CD44: variants seen among roughly 807,000 people sequenced by gnomAD.
CD44 encodes the protein CD44 molecule (IN blood group), also known as CD44 antigen.
Under a neutral mutation model 88.8 loss-of-function variants are expected in CD44, and 49 were observed. That is an observed-to-expected ratio of 0.55 (90% CI 0.44 to 0.70). The LOEUF is 0.70. Ranked by LOEUF, CD44 falls within the 30% of genes least tolerant of loss-of-function variation. The probability of loss-of-function intolerance (pLI) is 0.00; values close to 1 mark genes in which losing one functional copy is unlikely to be tolerated. For synonymous variants in CD44, 325 were observed against 312.3 expected (o/e 1.04, Z -0.43); for missense variants, 883 against 913.8 (o/e 0.97, Z 0.43).
rs565128117 is a variant in CD44, at chr11:35,192,415, G to A, written c.667+2350G>A. 9.2e-5 allele frequency among the ~76,000 whole-genome samples: 14 copies of A among 152,312 alleles called. No individual in the cohort carries two copies. In the South Asian group the frequency reaches 2.9e-3, roughly 32 times the overall value. ...TTTCTAAAGTCCAGTGAGGAGATTTGCAAAACCTTATCACTGTTGGACTGA... is the reference window on the plus strand; with the variant it reads ...TTTCTAAAGTCCAGTGAGGAGATTTACAAAACCTTATCACTGTTGGACTGA... On this transcript the variant is annotated intron_variant, in intron 5 of 17. Transcript: ENST00000428726.
At chr11:35,160,408 A>C (rs915007044) in intron 1 of CD44, among the ~76,000 whole-genome samples, 4 of 152,182 alleles carry the variant, frequency 2.6e-5, no homozygotes, top group African/African-American at 9.7e-5. Flanking sequence ...GTGTTTTGCC[A>C]ATTGTTTCTT....
At chr11:35,209,166 CT>C in intron 12 of CD44, among the ~76,000 whole-genome samples, 1 of 152,088 alleles carries the variant, frequency 6.6e-6, no homozygotes, top group East Asian at 1.9e-4. Context: ...TATGGGTGTG[CT>C]TTATGAAGTT....
intron 9 of CD44, among the ~76,000 whole-genome samples, chr11:35,202,665 A>G (rs982618111): frequency 6.6e-6 from 1 of 152,180 alleles, no homozygotes; most frequent in Non-Finnish European, 1.5e-5. Flanking sequence ...TTGGGAATCT[A>G]TGGCTTGAGG....
At position 35,220,183 on chromosome 11, in the gene CD44, A is replaced by C. The variant is rs140770465; in HGVS notation, c.1945+796A>C. Among the ~76,000 whole-genome samples, 492 of 152,272 alleles carry C rather than the reference A, an allele frequency of 3.2e-3. 3 individuals are homozygous for C. Among genetic ancestry groups the C allele is most frequent in the African/African-American group, 0.011 (454 of 41,558 alleles). ...GCCCCAGCTTGCCTAAGCACACCTG[A>C]AGACAGACCAGACAGAGACAGGGGT... On this transcript the variant is annotated intron_variant, in intron 16 of 17. Transcript: ENST00000428726.
At chr11:35,139,474 A>T in intron 1 of CD44, 104 bp downstream of exon 1, 1 of 1,018,838 alleles carries the variant, frequency 9.8e-7, no homozygotes, top group South Asian at 1.3e-5. Flanking sequence ...ACTGGAGTCA[A>T]GTGAGCTGTC....
intron 1 of CD44, among the ~76,000 whole-genome samples, chr11:35,167,131 A>G (rs923639158): frequency 2.0e-5 from 3 of 152,214 alleles, no homozygotes; most frequent in Non-Finnish European, 4.4e-5. Context: ...TTCGTGTCCT[A>G]TTAAGACAGT....
intron 1 of CD44, among the ~76,000 whole-genome samples, chr11:35,154,643 C>A (rs764927122): frequency 3.9e-5 from 6 of 152,194 alleles, no homozygotes; most frequent in Non-Finnish European, 8.8e-5. Flanking sequence ...TTCTCACTCA[C>A]TTTTACTCAA....
chr11:35,157,141 C>A (rs1941972943), intron 1 of CD44, among the ~76,000 whole-genome samples: 1 of 152,238 alleles, frequency 6.6e-6, no homozygotes, highest in Non-Finnish European at 1.5e-5. Context: ...TTTCCTAGCA[C>A]AGTGCCCAGC....
intron 1 of CD44, among the ~76,000 whole-genome samples, chr11:35,145,351 G>A (rs1228854942): frequency 6.6e-6 from 1 of 152,154 alleles, no homozygotes; most frequent in East Asian, 1.9e-4. Context: ...TATGGGCTAA[G>A]GTGCAAATAC....
chr11:35,205,813 G>A, intron 10 of CD44: 5 of 1,031,494 alleles, frequency 4.8e-6, no homozygotes, highest in Non-Finnish European at 5.8e-6. Flanking sequence ...CATGGGTCAA[G>A]AAGTACTTCT....
At chr11:35,205,772 C>A (rs535670544) in intron 10 of CD44, 6 of 997,868 alleles carry the variant, frequency 6.0e-6, no homozygotes, top group Non-Finnish European at 7.2e-6. Flanking sequence ...GGCTTTTATA[C>A]TTCTGCCTTT....
chr11:35,193,486 G>A (rs1381891381), intron 5 of CD44, among the ~76,000 whole-genome samples: 1 of 152,134 alleles, frequency 6.6e-6, no homozygotes, highest in Non-Finnish European at 1.5e-5. Context: ...AGGCATTCTA[G>A]AACTATCTGA....
chr11:35,226,629 G>A (rs796533661), intron 17 of CD44, among the ~76,000 whole-genome samples: 96 of 151,840 alleles, frequency 6.3e-4, no homozygotes, highest in African/African-American at 2.2e-3. Flanking sequence ...TCCTTACCCC[G>A]CATAAGAGCA....
chr11:35,219,126 G>A, intron 15 of CD44, 190 bp from the exon 16 acceptor site: 1 of 593,454 alleles, frequency 1.7e-6, no homozygotes, highest in Non-Finnish European at 3.0e-6. Context: ...ACATTACTAA[G>A]CCTTAGCCTT....
At chr11:35,147,906 T>C (rs1859498567) in intron 1 of CD44, among the ~76,000 whole-genome samples, 1 of 151,960 alleles carries the variant, frequency 6.6e-6, no homozygotes, top group Admixed American at 6.6e-5. Context: ...CTGACCAACA[T>C]GGAGAAACCC....
intron 8 of CD44, 42 bp from the exon 9 acceptor site, chr11:35,201,629 G>A (rs1303743003): frequency 6.2e-7 from 1 of 1,610,096 alleles, no homozygotes; most frequent in Non-Finnish European, 8.5e-7. Context: ...TTAAAGATTG[G>A]TTGATAACAA....
At chr11:35,177,509 G>T (rs984847485) in intron 2 of CD44, among the ~76,000 whole-genome samples, 5 of 152,216 alleles carry the variant, frequency 3.3e-5, no homozygotes, top group African/African-American at 1.2e-4. Context: ...CTCTGCAACT[G>T]CTCTGAAGTT....
At chr11:35,177,803 GACTTAC>G (rs1944619455) in intron 2 of CD44, among the ~76,000 whole-genome samples, 1 of 152,210 alleles carries the variant, frequency 6.6e-6, no homozygotes, top group South Asian at 2.1e-4. Context: ...CACATGTGGT[GACTTAC>G]ACTTAAACTA....
chr11:35,223,042 T>C, intron 17 of CD44: 1 of 985,390 alleles, frequency 1.0e-6, no homozygotes, highest in Non-Finnish European at 1.2e-6. Context: ...ATTACGCTGG[T>C]ACAAGTTAAT....
Sources: gnomAD v4.1 joint callset for allele counts (sites outside exome capture counted in the v4.1 genomes callset) on GRCh38, gnomAD v4.1.1 for gene constraint, MANE v1.5 for transcripts, NCBI Gene and HGNC (gene_info 2026-07-23, HGNC 2026-07-21) for gene names.